The following CTNNA2 variants were observed in gnomAD, a reference collection of about 807,000 sequenced individuals.
The protein encoded by CTNNA2 is catenin alpha-2.
Under a neutral mutation model 101.0 loss-of-function variants are expected in CTNNA2, and 42 were observed. That is an observed-to-expected ratio of 0.42 (90% CI 0.32 to 0.54). CTNNA2 has a LOEUF of 0.54. Among genes scored for constraint, CTNNA2 ranks in the 20% least tolerant of loss-of-function variants. The pLI is 0.14. For synonymous variants in CTNNA2, 450 were observed against 456.4 expected, an observed-to-expected ratio of 0.99 and a Z score of 0.18; for missense variants, 871 against 1,223.1, an observed-to-expected ratio of 0.71 and a Z score of 4.29.
chr2:79,340,459 G>C (rs1196240443), intron 3 of CTNNA2, among the ~76,000 whole-genome samples: 1 of 152,166 alleles, frequency 6.6e-6, no homozygotes. Context: ...AAGAAGCAAT[G>C]ACAGTTCTGA....
chr2:80,110,628 A>G (rs1266305940), intron 7 of CTNNA2, among the ~76,000 whole-genome samples: 1 of 152,136 alleles, frequency 6.6e-6, no homozygotes, highest in African/African-American at 2.4e-5. Context: ...TAGGTGAGAG[A>G]AAAAATACTG....
intron 7 of CTNNA2, among the ~76,000 whole-genome samples, chr2:79,983,835 G>C (rs769953360): frequency 7.9e-5 from 12 of 151,914 alleles, no homozygotes; most frequent in African/African-American, 1.5e-4. Flanking sequence ...TTTCTCTTTG[G>C]GTTTAAATGA....
chr2:79,518,296 A>G (rs114838710), intron 1 of CTNNA2, among the ~76,000 whole-genome samples: 3,639 of 152,310 alleles, frequency 0.024, 126 homozygotes, highest in African/African-American at 0.083. Flanking sequence ...GATACATTAA[A>G]TAAGATCCTA....
chr2:79,926,082 G>A (rs1687001573), intron 7 of CTNNA2, among the ~76,000 whole-genome samples: 1 of 152,038 alleles, frequency 6.6e-6, no homozygotes, highest in Non-Finnish European at 1.5e-5. Flanking sequence ...TCACTGTTTG[G>A]CTATCAAGTT....
chr2:79,479,476 T>C (rs1010604094), intron 4 of CTNNA2, among the ~76,000 whole-genome samples: 3 of 152,242 alleles, frequency 2.0e-5, no homozygotes, highest in Non-Finnish European at 2.9e-5. Flanking sequence ...CTATCTATAG[T>C]GAAAATTTAA....
At chr2:79,430,383 C>G (rs765944480) in intron 4 of CTNNA2, among the ~76,000 whole-genome samples, 2 of 152,076 alleles carry the variant, frequency 1.3e-5, no homozygotes, top group African/African-American at 4.8e-5. Flanking sequence ...CTGGAGGAAT[C>G]CCAGACAGTC....
chr2:80,479,642 T>G (rs576112348), intron 9 of CTNNA2, among the ~76,000 whole-genome samples: 62 of 152,232 alleles, frequency 4.1e-4, no homozygotes, highest in African/African-American at 1.5e-3. Context: ...TAGGCAGATA[T>G]GGAGGAAAGC....
At chr2:79,859,143 C>T (rs1296720527) in intron 4 of CTNNA2, among the ~76,000 whole-genome samples, 1 of 152,098 alleles carries the variant, frequency 6.6e-6, no homozygotes. Context: ...ATGCAAACCA[C>T]ATTTTCCTTT....
intron 1 of CTNNA2, among the ~76,000 whole-genome samples, chr2:79,629,748 G>T (rs970358971): frequency 2.0e-5 from 3 of 152,220 alleles, no homozygotes; most frequent in Non-Finnish European, 4.4e-5. Flanking sequence ...GGGAAGCTCA[G>T]TGAGCAGCTG....
intron 1 of CTNNA2, among the ~76,000 whole-genome samples, chr2:79,588,356 T>C (rs1676627290): frequency 6.6e-6 from 1 of 152,232 alleles, no homozygotes; most frequent in African/African-American, 2.4e-5. Flanking sequence ...ATAATATTAC[T>C]TCATACCACT....
At chr2:79,871,774 G>A (rs1330673098) in intron 5 of CTNNA2, among the ~76,000 whole-genome samples, 1 of 152,066 alleles carries the variant, frequency 6.6e-6, no homozygotes, top group African/African-American at 2.4e-5. Flanking sequence ...CAGATGTGCC[G>A]ATTTTGAGAT....
intron 7 of CTNNA2, among the ~76,000 whole-genome samples, chr2:80,320,318 C>T (rs186675549): frequency 2.0e-4 from 30 of 152,310 alleles, no homozygotes; most frequent in African/African-American, 6.3e-4. Flanking sequence ...GCCATTTCTC[C>T]TTCTATTTGG....
In CTNNA2 at chr2:80,211,116, G is replaced by T. The variant is rs181042838; in HGVS notation, c.1057-182095G>T. ...AGTTCTTTGTAGATTCTGGATATTA[G>T]CCCCTTGTCAGATGGGTAGATTGCA... On this transcript the variant is annotated intron_variant, in intron 7 of 18. Coordinates refer to ENST00000402739, the MANE Select transcript of CTNNA2 (RefSeq NM_001282597.3). 2.1e-4 allele frequency among the ~76,000 whole-genome samples: 32 copies of T among 152,174 alleles called. No individual in the cohort carries two copies. In the East Asian group the frequency reaches 6.2e-3, roughly 30 times the overall value.
chr2:80,531,650 C>T (rs1432813400), intron 9 of CTNNA2, among the ~76,000 whole-genome samples: 1 of 152,152 alleles, frequency 6.6e-6, no homozygotes, highest in African/African-American at 2.4e-5. Context: ...CCTATCTCCT[C>T]CTGGTTTTTT....
chr2:79,871,493 G>T (rs1323593765), intron 5 of CTNNA2, among the ~76,000 whole-genome samples: 1 of 152,072 alleles, frequency 6.6e-6, no homozygotes, highest in Admixed American at 6.6e-5. Context: ...CTGGTGTTCT[G>T]ATGTCCAAAG....
At chr2:79,367,925 C>T (rs1020958631) in intron 3 of CTNNA2, among the ~76,000 whole-genome samples, 1 of 152,056 alleles carries the variant, frequency 6.6e-6, no homozygotes, top group Non-Finnish European at 1.5e-5. Context: ...TCTTTATATA[C>T]TAGAGAAAAT....
chr2:80,490,431 A>G (rs1686974137), intron 9 of CTNNA2, among the ~76,000 whole-genome samples: 1 of 152,098 alleles, frequency 6.6e-6, no homozygotes, highest in African/African-American at 2.4e-5. Context: ...CTGTGCTAAA[A>G]TAACTTTATT....
chr2:79,636,356 C>G (rs949282375), intron 1 of CTNNA2, among the ~76,000 whole-genome samples: 1 of 146,616 alleles, frequency 6.8e-6, no homozygotes, highest in Non-Finnish European at 1.5e-5. Flanking sequence ...AAGACACTGA[C>G]ATGAATGAGA....
At chr2:80,524,589 A>G (rs1270643763) in intron 9 of CTNNA2, among the ~76,000 whole-genome samples, 1 of 152,162 alleles carries the variant, frequency 6.6e-6, no homozygotes, top group Non-Finnish European at 1.5e-5. Flanking sequence ...ACTACTTGCC[A>G]ATCTCCAAAT....
Sources: gnomAD v4.1 joint callset for allele counts (sites outside exome capture counted in the v4.1 genomes callset) on GRCh38, gnomAD v4.1.1 for gene constraint, MANE v1.5 for transcripts, NCBI Gene and HGNC (gene_info 2026-07-23, HGNC 2026-07-21) for gene names.